The following LPP variants were observed in gnomAD, a reference collection of about 807,000 sequenced individuals.
LPP encodes the protein lipoma-preferred partner.
LPP carries 38 observed loss-of-function variants against 60.4 expected under a neutral mutation model. The ratio of observed to expected loss-of-function variants is 0.63; its 90% CI spans 0.49 to 0.83. LPP has a LOEUF of 0.83. Ranked by LOEUF, LPP falls within the 40% of genes least tolerant of loss-of-function variation. The pLI is 0.00. For missense variants in LPP, 902 were observed against 783.6 expected, an observed-to-expected ratio of 1.15 and a Z score of -1.80; for synonymous variants, 328 against 290.8, an observed-to-expected ratio of 1.13 and a Z score of -1.30.
chr3:188,326,272 C>T (rs1453802803), intron 2 of LPP, among the ~76,000 whole-genome samples: 1 of 152,178 alleles, frequency 6.6e-6, no homozygotes, highest in East Asian at 1.9e-4. Flanking sequence ...TGGACTCAGC[C>T]AGCAGTAACC....
At chr3:188,607,816 A>C (rs6775659) in intron 6 of LPP, among the ~76,000 whole-genome samples, 19,833 of 152,212 alleles carry the variant, frequency 0.13, 1,653 homozygotes, top group African/African-American at 0.22. Flanking sequence ...ACATATACAG[A>C]TTACTTATTT....
chr3:188,846,796 C>G (rs1211844371), intron 9 of LPP, among the ~76,000 whole-genome samples: 1 of 151,842 alleles, frequency 6.6e-6, no homozygotes, highest in Non-Finnish European at 1.5e-5. Context: ...GAGCATGGGT[C>G]AGAGTTGTAA....
intron 9 of LPP, among the ~76,000 whole-genome samples, chr3:188,767,253 A>G (rs1005673091): frequency 3.3e-5 from 5 of 152,200 alleles, no homozygotes; most frequent in African/African-American, 9.6e-5. Flanking sequence ...ACTAACTACA[A>G]TATTCATAGA....
At chr3:188,456,195 T>TA (rs1797701666) in intron 4 of LPP, among the ~76,000 whole-genome samples, 1 of 152,226 alleles carries the variant, frequency 6.6e-6, no homozygotes, top group South Asian at 2.1e-4. Context: ...ATTTGGCGTT[T>TA]ATTGACACCA....
At chr3:188,498,161 T>C (rs569745237) in intron 5 of LPP, among the ~76,000 whole-genome samples, 139 of 152,022 alleles carry the variant, frequency 9.1e-4, no homozygotes, top group Non-Finnish European at 1.6e-3. Context: ...TTCTTTTTTT[T>C]CCCCCCCAGC....
chr3:188,281,893 T>C (rs1055478930), intron 2 of LPP, among the ~76,000 whole-genome samples: 1 of 152,214 alleles, frequency 6.6e-6, no homozygotes, highest in South Asian at 2.1e-4. Flanking sequence ...CTACAAACAT[T>C]GAAATAGTTA....
chr3:188,348,902 T>C (rs116014245), intron 3 of LPP, among the ~76,000 whole-genome samples: 8,180 of 152,160 alleles, frequency 0.054, 605 homozygotes, highest in African/African-American at 0.16. Flanking sequence ...GCGGGGATGC[T>C]GTGAAGTCAC....
At chr3:188,669,915 AAGC>A (rs1406038175) in intron 7 of LPP, among the ~76,000 whole-genome samples, 1 of 152,224 alleles carries the variant, frequency 6.6e-6, no homozygotes, top group African/African-American at 2.4e-5. Context: ...GTGGAATACT[AAGC>A]AGCCATAAAA....
At chr3:188,422,913 TTGTGTGTGTGTGTGTGTG>T (rs10689970) in intron 4 of LPP, among the ~76,000 whole-genome samples, 2 of 133,806 alleles carry the variant, frequency 1.5e-5, no homozygotes, top group African/African-American at 5.7e-5. Context: ...GGTGTCTTCT[TTGTGTGTGTGTGTGTGTG>T]TGTGTGTGTG....
chr3:188,529,888 C>T (rs1821670970), intron 6 of LPP, among the ~76,000 whole-genome samples: 1 of 152,198 alleles, frequency 6.6e-6, no homozygotes, highest in Non-Finnish European at 1.5e-5. Flanking sequence ...CTTAAATTGT[C>T]ACGTAAATCA....
At chr3:188,244,270 T>C (rs1726083727) in intron 2 of LPP, among the ~76,000 whole-genome samples, 1 of 152,190 alleles carries the variant, frequency 6.6e-6, no homozygotes, top group Non-Finnish European at 1.5e-5. Context: ...ATTGACATCG[T>C]TGAGGTGGGA....
At chr3:188,240,304 G>A (rs779655771) in intron 2 of LPP, 1 of 165,068 alleles carries the variant, frequency 6.1e-6, no homozygotes, top group African/African-American at 2.4e-5. Flanking sequence ...TGCCTAACAA[G>A]GTTGTTGACT....
intron 6 of LPP, among the ~76,000 whole-genome samples, chr3:188,599,470 T>A (rs1218882512): frequency 6.6e-6 from 1 of 152,066 alleles, no homozygotes; most frequent in Non-Finnish European, 1.5e-5. Context: ...ATACCAACAT[T>A]GGGGTCTCTA....
intron 7 of LPP, among the ~76,000 whole-genome samples, chr3:188,670,769 C>T (rs1354257492): frequency 1.3e-5 from 2 of 152,160 alleles, no homozygotes; most frequent in East Asian, 1.9e-4. Flanking sequence ...TGCCTCCAAA[C>T]TGAAAGGTTG....
At chr3:188,731,814 G>A (rs111796826) in intron 8 of LPP, among the ~76,000 whole-genome samples, 15 of 152,120 alleles carry the variant, frequency 9.9e-5, no homozygotes, top group African/African-American at 2.2e-4. Context: ...GAGCCACCGC[G>A]CCTGGCCTGT....
chr3:188,708,253 T>C lies in LPP; in HGVS notation c.1114-14T>C, dbSNP rs766496254. The C allele has an allele frequency of 6.2e-7, 1 of 1,613,914 alleles. No individual in the cohort carries two copies. The highest frequency in any genetic ancestry group is 2.2e-5 in the East Asian group (1 of 44,854). On this transcript the variant is annotated splice_polypyrimidine_tract_variant and intron_variant, in intron 7 of 11. Coordinates refer to ENST00000617246, the MANE Select transcript of LPP (RefSeq NM_001375462.1). ...AGGTGGCAATTAAAGGACTGTGTGCTTTCTGCCTTTCAGGGTGGCCATTCA... is the reference window on the plus strand; with the variant it reads ...AGGTGGCAATTAAAGGACTGTGTGCCTTCTGCCTTTCAGGGTGGCCATTCA...
intron 7 of LPP, among the ~76,000 whole-genome samples, chr3:188,660,251 A>G (rs149556894): frequency 1.3e-5 from 2 of 152,188 alleles, no homozygotes; most frequent in East Asian, 1.9e-4. Context: ...TTGTTTACCT[A>G]CAATAATTGC....
At chr3:188,281,070 G>T (rs1022677693) in intron 2 of LPP, among the ~76,000 whole-genome samples, 1 of 151,882 alleles carries the variant, frequency 6.6e-6, no homozygotes, top group African/African-American at 2.4e-5. Context: ...AAGTAGCTGA[G>T]ATTACAGGCG....
chr3:188,702,197 C>G (rs1009700540), intron 7 of LPP, among the ~76,000 whole-genome samples: 3 of 152,010 alleles, frequency 2.0e-5, no homozygotes, highest in Admixed American at 2.0e-4. Flanking sequence ...ACCTCGTGAT[C>G]CGCCTCCCTC....
Sources: allele counts gnomAD v4.1 joint callset (sites outside exome capture counted in the v4.1 genomes callset), GRCh38; gene constraint gnomAD v4.1.1; transcripts MANE v1.5; gene names NCBI Gene and HGNC (gene_info 2026-07-23, HGNC 2026-07-21).